SLC35F4: variants seen among roughly 807,000 people sequenced by gnomAD.
SLC35F4 encodes the protein chromosome 14 open reading frame 36.
SLC35F4 carries 24 observed loss-of-function variants against 44.2 expected under a neutral mutation model. The ratio of observed to expected loss-of-function variants is 0.54; its 90% CI spans 0.39 to 0.76. The LOEUF (loss-of-function observed/expected upper bound fraction) is 0.76, where lower values mean the gene tolerates loss of function less well. Ranked by LOEUF, SLC35F4 falls within the 30% of genes least tolerant of loss-of-function variation. SLC35F4 has a pLI of 0.00. For synonymous variants in SLC35F4, 238 were observed against 223.6 expected (o/e 1.06, Z -0.57); for missense variants, 562 against 586.1 (o/e 0.96, Z 0.42).
intron 1 of SLC35F4, among the ~76,000 whole-genome samples, chr14:57,940,717 T>C (rs1433480460): frequency 6.6e-6 from 1 of 152,174 alleles, no homozygotes; most frequent in Non-Finnish European, 1.5e-5. Context: ...ACTCCTCCTC[T>C]TCTTCCATCA....
chr14:57,737,203 A>T (rs908753404), intron 1 of SLC35F4, among the ~76,000 whole-genome samples: 1 of 151,950 alleles, frequency 6.6e-6, no homozygotes, highest in African/African-American at 2.4e-5. Flanking sequence ...TAGTAATTCC[A>T]CTTACTATCC....
At chr14:57,640,581 T>C (rs1374080462) in intron 1 of SLC35F4, among the ~76,000 whole-genome samples, 2 of 152,074 alleles carry the variant, frequency 1.3e-5, no homozygotes, top group Non-Finnish European at 2.9e-5. Context: ...GAAAAGGATA[T>C]TGTATTTGTT....
At chr14:57,874,571 A>T (rs1241508422) in intron 1 of SLC35F4, among the ~76,000 whole-genome samples, 1 of 152,200 alleles carries the variant, frequency 6.6e-6, no homozygotes, top group Non-Finnish European at 1.5e-5. Flanking sequence ...AGAGGGCTAA[A>T]CAGATGGTTC....
At chr14:57,841,617 C>T (rs1286552226) in intron 1 of SLC35F4, among the ~76,000 whole-genome samples, 1 of 152,172 alleles carries the variant, frequency 6.6e-6, no homozygotes, top group Non-Finnish European at 1.5e-5. Flanking sequence ...TCCTCAGTTT[C>T]ACCCAATTCC....
At chr14:57,707,341 G>A (rs1181777943) in intron 1 of SLC35F4, among the ~76,000 whole-genome samples, 1 of 152,114 alleles carries the variant, frequency 6.6e-6, no homozygotes, top group Non-Finnish European at 1.5e-5. Context: ...GGAAGAGATT[G>A]GATCACGGGG....
At chr14:57,857,851 G>A (rs535413240) in intron 1 of SLC35F4, among the ~76,000 whole-genome samples, 1 of 152,140 alleles carries the variant, frequency 6.6e-6, no homozygotes, top group South Asian at 2.1e-4. Flanking sequence ...GAGACAGAGA[G>A]GGAGCACTGG....
At chr14:57,868,478 A>T (rs931187746), upstream of SLC35F4, among the ~76,000 whole-genome samples, 3 of 145,820 alleles carry the variant, frequency 2.1e-5, no homozygotes, top group Non-Finnish European at 4.6e-5. Flanking sequence ...AGAAAGGATA[A>T]TTTTTTTTTT....
chr14:57,978,053 T>C (rs1220706798), intron 1 of SLC35F4, among the ~76,000 whole-genome samples: 2 of 152,184 alleles, frequency 1.3e-5, no homozygotes, highest in African/African-American at 4.8e-5. Flanking sequence ...CACAGAAGTA[T>C]ACAAATCTTT....
At chr14:57,873,849 C>A (rs1239574713) in intron 1 of SLC35F4, among the ~76,000 whole-genome samples, 1 of 152,154 alleles carries the variant, frequency 6.6e-6, no homozygotes, top group Admixed American at 6.5e-5. Flanking sequence ...TGCCTGCACA[C>A]CATCTTTTTA....
At chr14:57,577,273 C>G (rs775176892) in intron 4 of SLC35F4, among the ~76,000 whole-genome samples, 2 of 152,124 alleles carry the variant, frequency 1.3e-5, no homozygotes, top group African/African-American at 2.4e-5. Flanking sequence ...TTCAGTTTAA[C>G]TGATGTACTT....
chr14:57,598,370 G>A (rs1205261878), intron 1 of SLC35F4, among the ~76,000 whole-genome samples: 1 of 152,218 alleles, frequency 6.6e-6, no homozygotes, highest in East Asian at 1.9e-4. Flanking sequence ...ATCGCAACAG[G>A]CTGCAGCTCC....
chr14:57,695,482 C>T (rs1422575620), intron 1 of SLC35F4, among the ~76,000 whole-genome samples: 1 of 151,470 alleles, frequency 6.6e-6, no homozygotes, highest in Non-Finnish European at 1.5e-5. Flanking sequence ...TACCATCTCA[C>T]ACCAGTTAGA....
intron 1 of SLC35F4, among the ~76,000 whole-genome samples, chr14:57,691,241 G>A (rs964682904): frequency 2.6e-5 from 4 of 152,148 alleles, no homozygotes; most frequent in South Asian, 4.1e-4. Context: ...CAGCTTTTGG[G>A]TAACATAGCA....
rs58976756 is a variant in SLC35F4 at position 57,945,439 on chromosome 14, A to ATGTGTGTGTGTGTG, written n.282+36460_282+36473dup. ...TCTTTACCAGGTAAGAGCAATGATA[A>ATGTGTGTGTGTGTG]TGTGTGTGTGTGTGTGTGTGTGTGT... On this transcript the variant is annotated intron_variant and non_coding_transcript_variant, in intron 1 of 1. Coordinates refer to the SLC35F4 transcript ENST00000556568. 8.2e-4 allele frequency among the ~76,000 whole-genome samples: 86 copies of ATGTGTGTGTGTGTG among 104,690 alleles called. 1 individual carries two copies. The highest frequency in any genetic ancestry group is 1.2e-3 in the Non-Finnish European group (70 of 56,322). 68.7% of individuals were successfully genotyped at this position (104,690 alleles called of 152,430 possible).
intron 1 of SLC35F4, among the ~76,000 whole-genome samples, chr14:57,928,094 C>T (rs1180217605): frequency 6.6e-6 from 1 of 151,728 alleles, no homozygotes; most frequent in African/African-American, 2.4e-5. Context: ...CTCACCCATA[C>T]AAGCAAAGAC....
intron 1 of SLC35F4, among the ~76,000 whole-genome samples, chr14:57,926,335 A>G (rs1343212291): frequency 6.6e-6 from 1 of 152,194 alleles, no homozygotes; most frequent in Non-Finnish European, 1.5e-5. Flanking sequence ...TGGTTTTTTT[A>G]GAAAGTTTTG....
In SLC35F4 at chr14:57,624,306, T is replaced by A. The variant is rs146916795; in HGVS notation, c.104-30182A>T. Among the ~76,000 whole-genome samples, 49 of 152,236 alleles carry A rather than the reference T, an allele frequency of 3.2e-4. 1 individual carries two copies. The East Asian group carries it at 9.5e-3, about 29-fold the overall frequency. On this transcript the variant is annotated intron_variant, in intron 1 of 7. Coordinates refer to ENST00000556826, the MANE Select transcript of SLC35F4 (RefSeq NM_001306087.2). ...CAAGTTCTGAAATTGAAGCAGTAAT[T>A]AATAGCTTACCAACCAAAAAAAGTC... is the stretch of plus-strand genomic sequence containing the variant.
At chr14:57,711,306 A>G (rs1028554582) in intron 1 of SLC35F4, among the ~76,000 whole-genome samples, 2 of 152,138 alleles carry the variant, frequency 1.3e-5, no homozygotes, top group Non-Finnish European at 2.9e-5. Flanking sequence ...AGGCCTTCCC[A>G]GCCAGGCAGA....
chr14:57,957,627 A>G (rs1347777816), intron 1 of SLC35F4, among the ~76,000 whole-genome samples: 2 of 152,122 alleles, frequency 1.3e-5, no homozygotes, highest in East Asian at 3.9e-4. Flanking sequence ...AAGATGACAC[A>G]CTCAGCCCTC....
Sources: allele counts gnomAD v4.1 joint callset (sites outside exome capture counted in the v4.1 genomes callset), GRCh38; gene constraint gnomAD v4.1.1; transcripts MANE v1.5; gene names NCBI Gene and HGNC (gene_info 2026-07-23, HGNC 2026-07-21).